CRMP1: variants seen among roughly 807,000 people sequenced by gnomAD.
CRMP1 encodes the protein collapsin response mediator protein 1.
Under a neutral mutation model 68.3 loss-of-function variants are expected in CRMP1, and 19 were observed. The observed-to-expected ratio is 0.28, with a 90% confidence interval of 0.19 to 0.41. The LOEUF is 0.41. CRMP1 is among the 10% of genes least tolerant of loss of function. The probability of loss-of-function intolerance (pLI) is 1.00; values close to 1 mark genes in which losing one functional copy is unlikely to be tolerated. For synonymous variants in CRMP1, 439 were observed against 399.6 expected (o/e 1.10, Z -1.18); for missense variants, 791 against 967.4 (o/e 0.82, Z 2.42).
chr4:5,844,378 T>C (rs1277110053), intron 6 of CRMP1, among the ~76,000 whole-genome samples: 2 of 132,758 alleles, frequency 1.5e-5, no homozygotes, highest in African/African-American at 5.8e-5. Context: ...GGAAGGGGAA[T>C]GGAGGGAAGG....
At position 5,828,523 on chromosome 4, in the gene CRMP1, T is replaced by C; in HGVS notation, c.1769A>G (p.Glu590Gly). 2 of 1,614,232 alleles carry C rather than the reference T, an allele frequency of 1.2e-6. No homozygotes were observed. The highest frequency in any genetic ancestry group is 1.7e-6 in the Non-Finnish European group (2 of 1,180,038). ...GATTTTGACGCGCTGGTACAGGTGC[T>C]CCGGGAACGCCTTCCGCGGAATGAA... ...GRFIPRKAFP[E>G]HLYQRVKIRN... The change falls in exon 12 of 14, where the codon GAG becomes GGG. Residue 590 changes from glutamate (E) to glycine (G), a missense_variant. Transcript: ENST00000324989.
rs1305153251 is a variant in CRMP1 at position 5,821,781 on chromosome 4, G to A, written c.2040C>T (p.Ser680=). The A allele has an allele frequency of 6.2e-7, 1 of 1,611,016 alleles. No individual in the cohort carries two copies. Among genetic ancestry groups the A allele is most frequent in the African/African-American group, 1.3e-5 (1 of 74,904 alleles). The change falls in exon 14 of 14, where the codon TCC becomes TCT. Residue 680 remains serine, a synonymous_variant. Transcript: ENST00000324989. This position sits in a 1 kb window ranked among gnomAD's most constrained non-coding sequence, Gnocchi z 4.4. ...HRIVAPPGGR[S]NITSLG ...ACGTTCAACCGAGGCTGGTGATGTT[G>A]GAGCGGCCACCAGGGGGCGCCACGA...
In CRMP1 at chr4:5,856,051, T is replaced by C. The variant is rs1001138678; in HGVS notation, c.820+92A>G. 1.6e-5 allele frequency: 24 copies of C among 1,472,072 alleles called. No individual in the cohort carries two copies. In the African/African-American group the frequency reaches 1.9e-4, roughly 12 times the overall value. The allele number at this position is 1,472,072 out of a possible 1,614,324, so 91.2% of individuals were successfully genotyped here. ...AGCTCATAATCAGGCTCAGAACAGA[T>C]GCAGACAGGGGGATTTTTCACTCCA... On this transcript the variant is annotated intron_variant, in intron 4 of 13. Coordinates refer to ENST00000324989, the MANE Select transcript of CRMP1 (RefSeq NM_001014809.3).
chr4:5,890,859 C>A lies in CRMP1; in HGVS notation c.381+1730G>T, dbSNP rs553558188. Among the ~76,000 whole-genome samples the A allele has an allele frequency of 3.3e-5, 5 of 152,222 alleles. No individual in the cohort carries two copies. The South Asian group carries it at 1.0e-3, about 32-fold the overall frequency. ...GGACAGCTACGGGCCGTGCACAAAGCGCCCTCGCCTCCCTAGTACTCCACC... is the reference window on the plus strand; with the variant it reads ...GGACAGCTACGGGCCGTGCACAAAGAGCCCTCGCCTCCCTAGTACTCCACC... On this transcript the variant is annotated intron_variant, in intron 1 of 13. Coordinates refer to ENST00000324989, the MANE Select transcript of CRMP1 (RefSeq NM_001014809.3). The surrounding 1 kb of genome is among the most constrained non-coding windows in gnomAD (Gnocchi z 5.5).
chr4:5,851,889 G>A (rs1339776200), intron 4 of CRMP1, among the ~76,000 whole-genome samples: 2 of 80,466 alleles, frequency 2.5e-5, no homozygotes, highest in Non-Finnish European at 5.6e-5. Flanking sequence ...AGAGGAAGAG[G>A]AGGAGGAAGA....
chr4:5,840,333 G>A (rs777565662), intron 8 of CRMP1, among the ~76,000 whole-genome samples: 1 of 152,196 alleles, frequency 6.6e-6, no homozygotes, highest in East Asian at 1.9e-4. Context: ...TCGGCCTGGC[G>A]GGCTTCTTCC....
rs969456150 is a variant in CRMP1 at position 5,834,875 on chromosome 4, G to A, written c.1623+1040C>T. Among the ~76,000 whole-genome samples the A allele has an allele frequency of 2.0e-5, 3 of 152,208 alleles. No individual in the cohort carries two copies. Among genetic ancestry groups the A allele is most frequent in the Non-Finnish European group, 4.4e-5 (3 of 68,028 alleles). On this transcript the variant is annotated intron_variant, in intron 11 of 13. Transcript: ENST00000324989. The surrounding 1 kb of genome is among the most constrained non-coding windows in gnomAD (Gnocchi z 4.3). ...TGTATTATAAGAATGACCTGGATTG[G>A]TGAGCCGGACAAGGTCAGTGAGCAG...
chr4:5,845,854 T>C (rs963518253), intron 6 of CRMP1, among the ~76,000 whole-genome samples: 27 of 152,248 alleles, frequency 1.8e-4, no homozygotes, highest in African/African-American at 4.6e-4. Context: ...TCTGAGGACA[T>C]TGAGTCCTCA....
rs140245259 is a variant in CRMP1, at chr4:5,874,089, G to A, written c.382-7333C>T. Among the ~76,000 whole-genome samples, 322 of 152,304 alleles carry A rather than the reference G, an allele frequency of 2.1e-3. 2 individuals are homozygous for A. The highest frequency in any genetic ancestry group is 7.0e-3 in the African/African-American group (290 of 41,564). On this transcript the variant is annotated intron_variant, in intron 1 of 13. Coordinates refer to ENST00000324989, the MANE Select transcript of CRMP1 (RefSeq NM_001014809.3). ...AGGCAAGTTTGCAACAGGTATCAAA[G>A]GCCTTAACAATGTTCATGTCCTTTG...
In CRMP1 at chr4:5,866,345, G is replaced by A. The variant is rs1381883834; in HGVS notation, c.470+323C>T. ...TAACTCACCCCGTCATATGGGGCCA[G>A]GTACCCAGACTCATTGGCCTGCCGC... On this transcript the variant is annotated intron_variant, in intron 2 of 13. Transcript: ENST00000324989. This position sits in a 1 kb window ranked among gnomAD's most constrained non-coding sequence, Gnocchi z 5.9. 6.6e-6 allele frequency among the ~76,000 whole-genome samples: 1 copy of A among 152,220 alleles called. No individual in the cohort carries two copies. The highest frequency in any genetic ancestry group is 2.4e-5 in the African/African-American group (1 of 41,444).
intron 4 of CRMP1, among the ~76,000 whole-genome samples, chr4:5,851,700 G>C (rs991009753): frequency 2.6e-5 from 4 of 151,698 alleles, no homozygotes; most frequent in Admixed American, 2.6e-4. Flanking sequence ...AGAAAGGGAG[G>C]AGAAGGAGGA....
chr4:5,839,394 T>TGCAGAGCACGGG, intron 9 of CRMP1, 128 bp downstream of exon 9: 1 of 1,210,358 alleles, frequency 8.3e-7, no homozygotes, highest in South Asian at 1.5e-5. Context: ...GCGCAGTCCT[T>TGCAGAGCACGGG]GCAGAGCACG....
rs149620643 is a variant in CRMP1, at chr4:5,852,971, C to T, written c.821-1502G>A. Among the ~76,000 whole-genome samples, 5 of 152,152 alleles carry T rather than the reference C, an allele frequency of 3.3e-5. No individual in the cohort carries two copies. In the South Asian group the frequency reaches 6.2e-4, roughly 19 times the overall value. ...GAGGCAGCCTCGAGCAGATGGGAAA[C>T]GGAGGTGCAGGGGGCTGGGGCTCTG... On this transcript the variant is annotated intron_variant, in intron 4 of 13. Coordinates refer to ENST00000324989, the MANE Select transcript of CRMP1 (RefSeq NM_001014809.3).
In CRMP1 at chr4:5,889,991, G is replaced by T. The variant is rs762458381; in HGVS notation, c.381+2598C>A. On this transcript the variant is annotated intron_variant, in intron 1 of 13. Transcript: ENST00000324989. This position sits in a 1 kb window ranked among gnomAD's most constrained non-coding sequence, Gnocchi z 4.5. Reference sequence around the variant, plus strand: ...ACCCCGGGTGCAAAACATATTAGCTGCAGCAAAGCAGCATGGAGATGCCAG... The same window carrying T: ...ACCCCGGGTGCAAAACATATTAGCTTCAGCAAAGCAGCATGGAGATGCCAG... The T allele has an allele frequency of 9.1e-7, 1 of 1,100,702 alleles. No individual in the cohort carries two copies. The highest frequency in any genetic ancestry group is 1.2e-6 in the Non-Finnish European group (1 of 864,154). 68.2% of individuals were successfully genotyped at this position (1,100,702 alleles called of 1,614,324 possible).
intron 12 of CRMP1, chr4:5,828,144 G>A (rs1719976124): frequency 2.0e-6 from 2 of 985,284 alleles, no homozygotes; most frequent in African/African-American, 3.5e-5. Flanking sequence ...GGCTGCAAAA[G>A]GAGGATCACA....
chr4:5,871,795 A>G (rs961824414), intron 1 of CRMP1, among the ~76,000 whole-genome samples: 1 of 152,232 alleles, frequency 6.6e-6, no homozygotes, highest in African/African-American at 2.4e-5. Flanking sequence ...AATTGAGTTG[A>G]TATCTTTTCC....
rs1364246478 is a variant in CRMP1 at position 5,850,602 on chromosome 4, G to C, written c.882+806C>G. Reference sequence around the variant, plus strand: ...CCATTCTCTGCTAGGCACCATCCTAGCACTTTACTCTTCTTATGAAATCAT... The same window carrying C: ...CCATTCTCTGCTAGGCACCATCCTACCACTTTACTCTTCTTATGAAATCAT... On this transcript the variant is annotated intron_variant, in intron 5 of 13. Coordinates refer to ENST00000324989, the MANE Select transcript of CRMP1 (RefSeq NM_001014809.3). This position sits in a 1 kb window ranked among gnomAD's most constrained non-coding sequence, Gnocchi z 4.4. 6.6e-6 allele frequency among the ~76,000 whole-genome samples: 1 copy of C among 152,140 alleles called. No individual in the cohort carries two copies. The highest frequency in any genetic ancestry group is 1.9e-4 in the East Asian group (1 of 5,170).
Position 5,866,896 on chromosome 4 carries a change from A to G in CRMP1, c.382-140T>C. 1.7e-6 allele frequency: 1 copy of G among 576,508 alleles called. No individual in the cohort carries two copies. The highest frequency in any genetic ancestry group is 2.5e-5 in the South Asian group (1 of 40,042). 35.7% of individuals were successfully genotyped at this position (576,508 alleles called of 1,614,324 possible). ...CTTCCCCCGCCCCAGATCCATCACC[A>G]GCTTCAATACTTCTCTATCCAATAC... On this transcript the variant is annotated intron_variant, in intron 1 of 13. Coordinates refer to ENST00000324989, the MANE Select transcript of CRMP1 (RefSeq NM_001014809.3). The surrounding 1 kb of genome is among the most constrained non-coding windows in gnomAD (Gnocchi z 5.9).
At chr4:5,885,323 G>A (rs1482343894) in intron 1 of CRMP1, among the ~76,000 whole-genome samples, 2 of 152,152 alleles carry the variant, frequency 1.3e-5, no homozygotes, top group Non-Finnish European at 2.9e-5. Context: ...GAGGCTCAGA[G>A]GGGCACAGGA....
Sources: allele counts gnomAD v4.1 joint callset (sites outside exome capture counted in the v4.1 genomes callset), GRCh38; gene constraint gnomAD v4.1.1; non-coding constraint Gnocchi (gnomAD v3.1); transcripts MANE v1.5; gene names NCBI Gene and HGNC (gene_info 2026-07-23, HGNC 2026-07-21).